SNTG1: variants seen among roughly 807,000 people sequenced by gnomAD.
The protein encoded by SNTG1 is syntrophin gamma 1.
SNTG1 carries 39 observed loss-of-function variants against 74.7 expected under a neutral mutation model. That is an observed-to-expected ratio of 0.52 (90% CI 0.40 to 0.68). The LOEUF is 0.68. Ranked by LOEUF, SNTG1 falls within the 30% of genes least tolerant of loss-of-function variation. The probability of loss-of-function intolerance (pLI) is 0.00; values close to 1 mark genes in which losing one functional copy is unlikely to be tolerated. For synonymous variants in SNTG1, 254 were observed against 217.1 expected, an observed-to-expected ratio of 1.17 and a Z score of -1.49; for missense variants, 685 against 609.5, an observed-to-expected ratio of 1.12 and a Z score of -1.30.
At chr8:50,406,041 C>T (rs2092871026) in intron 4 of SNTG1, among the ~76,000 whole-genome samples, 1 of 151,954 alleles carries the variant, frequency 6.6e-6, no homozygotes, top group Non-Finnish European at 1.5e-5. Context: ...TCCTTAAGAT[C>T]TCAAATAAAT....
intron 1 of SNTG1, among the ~76,000 whole-genome samples, chr8:49,959,967 A>C (rs1388457001): frequency 6.6e-6 from 1 of 152,214 alleles, no homozygotes; most frequent in Admixed American, 6.5e-5. Flanking sequence ...CCATGAAATT[A>C]ATAAATTACC....
At chr8:50,207,230 G>T (rs912724918) in intron 2 of SNTG1, among the ~76,000 whole-genome samples, 1 of 152,102 alleles carries the variant, frequency 6.6e-6, no homozygotes, top group Non-Finnish European at 1.5e-5. Context: ...ATTAATTATT[G>T]CCTCAATTTC....
At chr8:50,083,978 T>C (rs1216702449) in intron 1 of SNTG1, among the ~76,000 whole-genome samples, 1 of 152,198 alleles carries the variant, frequency 6.6e-6, no homozygotes, top group Non-Finnish European at 1.5e-5. Flanking sequence ...GTAACTTTAA[T>C]TTAGAACCTC....
At chr8:50,204,329 T>C (rs112067739) in intron 2 of SNTG1, among the ~76,000 whole-genome samples, 7 of 152,098 alleles carry the variant, frequency 4.6e-5, no homozygotes, top group Non-Finnish European at 8.8e-5. Context: ...CTGAAATGAA[T>C]TGTAGTCAAC....
At chr8:50,712,484 CTTATTTT>C (rs879656429) in intron 17 of SNTG1, among the ~76,000 whole-genome samples, 1 of 152,030 alleles carries the variant, frequency 6.6e-6, no homozygotes, top group Non-Finnish European at 1.5e-5. Context: ...GATTCTTTTT[CTTATTTT>C]TTATTTTTTA....
intron 1 of SNTG1, among the ~76,000 whole-genome samples, chr8:50,098,535 C>T (rs1431402480): frequency 6.6e-6 from 1 of 152,054 alleles, no homozygotes; most frequent in East Asian, 1.9e-4. Context: ...AAATAGTAGG[C>T]CATTTTAGAT....
At chr8:50,152,423 G>T (rs1029480085) in intron 1 of SNTG1, among the ~76,000 whole-genome samples, 1 of 152,096 alleles carries the variant, frequency 6.6e-6, no homozygotes, top group African/African-American at 2.4e-5. Flanking sequence ...GGTTAATATT[G>T]TTATGTGTGA....
chr8:50,608,829 A>G (rs1363307013), intron 13 of SNTG1, among the ~76,000 whole-genome samples: 1 of 151,878 alleles, frequency 6.6e-6, no homozygotes, highest in Non-Finnish European at 1.5e-5. Flanking sequence ...GCTTCAATGT[A>G]GTGCTTTAAT....
chr8:50,165,950 C>A (rs2082600419), intron 1 of SNTG1, among the ~76,000 whole-genome samples: 1 of 147,528 alleles, frequency 6.8e-6, no homozygotes, highest in Non-Finnish European at 1.5e-5. Context: ...AGACCAGAGC[C>A]CTCAGAAATA....
intron 18 of SNTG1, among the ~76,000 whole-genome samples, chr8:50,774,444 A>G (rs1022576930): frequency 4.6e-5 from 7 of 151,822 alleles, no homozygotes; most frequent in African/African-American, 1.7e-4. Flanking sequence ...AAGGTAATAG[A>G]ACGGCACATT....
intron 1 of SNTG1, among the ~76,000 whole-genome samples, chr8:50,092,633 G>T (rs552468882): frequency 6.6e-6 from 1 of 152,244 alleles, no homozygotes; most frequent in South Asian, 2.1e-4. Context: ...CTCAGAGTCA[G>T]CCTTGCATCA....
At chr8:50,546,376 A>T (rs2094387708) in intron 11 of SNTG1, among the ~76,000 whole-genome samples, 1 of 141,072 alleles carries the variant, frequency 7.1e-6, no homozygotes, top group Non-Finnish European at 1.5e-5. Context: ...TTGAGAAGGA[A>T]GACTTTTTTA....
At position 50,017,991 on chromosome 8, in the gene SNTG1, A is replaced by G. The variant is rs563113031; in HGVS notation, c.-103+105760A>G. 6.6e-5 allele frequency among the ~76,000 whole-genome samples: 10 copies of G among 152,128 alleles called. No individual in the cohort carries two copies. In the South Asian group the frequency reaches 2.1e-3, roughly 32 times the overall value. ...CTCAAGTGCACATGGAACAATAAAAAATACAAAAATTTGAAAGAAATTAAA... is the reference window on the plus strand; with the variant it reads ...CTCAAGTGCACATGGAACAATAAAAGATACAAAAATTTGAAAGAAATTAAA... On this transcript the variant is annotated intron_variant, in intron 1 of 18. Transcript: ENST00000642720.
At chr8:50,312,014 G>C (rs2090132707) in intron 2 of SNTG1, among the ~76,000 whole-genome samples, 1 of 152,084 alleles carries the variant, frequency 6.6e-6, no homozygotes, top group East Asian at 1.9e-4. Flanking sequence ...AGTAAAGAAA[G>C]GTAGTATGCA....
intron 12 of SNTG1, among the ~76,000 whole-genome samples, chr8:50,571,285 G>A (rs1029884725): frequency 5.9e-5 from 9 of 152,164 alleles, no homozygotes; most frequent in African/African-American, 2.2e-4. Flanking sequence ...CACCCAAAGA[G>A]ACCGAAGCTA....
intron 15 of SNTG1, among the ~76,000 whole-genome samples, chr8:50,673,014 C>T (rs1232074891): frequency 6.6e-6 from 1 of 152,094 alleles, no homozygotes; most frequent in Non-Finnish European, 1.5e-5. Context: ...AGTATTATTT[C>T]TGAAGTCTCT....
At chr8:50,479,411 G>C (rs1563445566) in intron 8 of SNTG1, among the ~76,000 whole-genome samples, 1 of 152,044 alleles carries the variant, frequency 6.6e-6, no homozygotes, top group Admixed American at 6.6e-5. Context: ...TGTGTTAACA[G>C]AAAAATGCTT....
chr8:50,743,007 A>G (rs1458625223), intron 17 of SNTG1, among the ~76,000 whole-genome samples: 1 of 151,836 alleles, frequency 6.6e-6, no homozygotes, highest in Non-Finnish European at 1.5e-5. Context: ...ATCCATAATC[A>G]TAAATCTGTC....
intron 1 of SNTG1, among the ~76,000 whole-genome samples, chr8:50,068,127 AATC>A (rs1318005778): frequency 6.6e-6 from 1 of 152,180 alleles, no homozygotes; most frequent in Non-Finnish European, 1.5e-5. Context: ...AACAGAACGC[AATC>A]AGTTTTGGTC....
Sources: allele counts gnomAD v4.1 joint callset (sites outside exome capture counted in the v4.1 genomes callset), GRCh38; gene constraint gnomAD v4.1.1; transcripts MANE v1.5; gene names NCBI Gene and HGNC (gene_info 2026-07-23, HGNC 2026-07-21).